Variants in UBASH3A observed in about 807,000 individuals in gnomAD.
UBASH3A encodes ubiquitin-associated and SH3 domain-containing protein A.
UBASH3A carries 63 observed loss-of-function variants against 73.5 expected under a neutral mutation model. The ratio of observed to expected loss-of-function variants is 0.86; its 90% confidence interval spans 0.70 to 1.06. The LOEUF (loss-of-function observed/expected upper bound fraction) is 1.06. Ranked by LOEUF, UBASH3A falls within the 50% of genes least tolerant of loss-of-function variation. The probability of loss-of-function intolerance (pLI) is 0.00; values close to 1 mark genes in which losing one functional copy is unlikely to be tolerated. For synonymous variants in UBASH3A, 363 were observed against 351.1 expected (o/e 1.03, Z -0.38); for missense variants, 860 against 859.0 (o/e 1.00, Z -0.02).
intron 1 of UBASH3A, among the ~76,000 whole-genome samples, chr21:42,404,349 A>G (rs1196894852): frequency 3.3e-5 from 5 of 152,086 alleles, no homozygotes. Flanking sequence ...TGGCTGCCCA[A>G]CACAAATTGG....
At chr21:42,444,010 C>T (rs561075131) in intron 13 of UBASH3A, among the ~76,000 whole-genome samples, 1 of 152,320 alleles carries the variant, frequency 6.6e-6, no homozygotes, top group Admixed American at 6.5e-5. Flanking sequence ...TCTCCTAACC[C>T]TCCCGTGTTG....
At chr21:42,423,346 G>A (rs1326351655) in intron 7 of UBASH3A, among the ~76,000 whole-genome samples, 2 of 152,232 alleles carry the variant, frequency 1.3e-5, no homozygotes, top group South Asian at 2.1e-4. Context: ...AGAGATAACC[G>A]AAGGCAGCTC....
Position 42,413,725 on chromosome 21 carries a change from C to G in UBASH3A, c.667+202C>G, listed in dbSNP as rs1053903169. Among the ~76,000 whole-genome samples, 1 of 152,184 alleles carries G rather than the reference C, an allele frequency of 6.6e-6. No individual in the cohort carries two copies. Among genetic ancestry groups the G allele is most frequent in the Non-Finnish European group, 1.5e-5 (1 of 68,030 alleles). On this transcript the variant is annotated intron_variant, in intron 5 of 14. Coordinates refer to ENST00000319294, the MANE Select transcript of UBASH3A (RefSeq NM_018961.4). The surrounding 1 kb of genome is among the most constrained non-coding windows in gnomAD (Gnocchi z 4.5). ...TGGTGCACACAGGGAGTCAGGGCCTCCCCACCCCAGCCTTGAGTGGGAGAC... is the reference window on the plus strand; with the variant it reads ...TGGTGCACACAGGGAGTCAGGGCCTGCCCACCCCAGCCTTGAGTGGGAGAC...
At chr21:42,408,172 A>C (rs2053017545) in intron 2 of UBASH3A, among the ~76,000 whole-genome samples, 1 of 152,192 alleles carries the variant, frequency 6.6e-6, no homozygotes, top group Non-Finnish European at 1.5e-5. Context: ...TTCTTCTGTG[A>C]TTTTTATTGA....
chr21:42,439,591 A>C (rs962760000), intron 11 of UBASH3A, among the ~76,000 whole-genome samples: 2 of 152,108 alleles, frequency 1.3e-5, no homozygotes, highest in African/African-American at 2.4e-5. Flanking sequence ...GAGGGCAAGC[A>C]AGGCTTCCAC....
At chr21:42,412,991 G>A in intron 3 of UBASH3A, 33 bp from the exon 4 acceptor site, 2 of 1,572,302 alleles carry the variant, frequency 1.3e-6, no homozygotes, top group Non-Finnish European at 1.7e-6. Flanking sequence ...GATGAGAGGT[G>A]TGGAAACACA....
chr21:42,444,332 T>A (rs1164245697), intron 13 of UBASH3A, among the ~76,000 whole-genome samples: 1 of 152,172 alleles, frequency 6.6e-6, no homozygotes, highest in Non-Finnish European at 1.5e-5. Flanking sequence ...GGGCAGCTGC[T>A]GCGTGCAGAG....
At chr21:42,415,143 T>C (rs2053176591) in intron 5 of UBASH3A, among the ~76,000 whole-genome samples, 1 of 152,118 alleles carries the variant, frequency 6.6e-6, no homozygotes, top group South Asian at 2.1e-4. Context: ...TCCTCCCCAG[T>C]GAAACGTGCC....
intron 8 of UBASH3A, among the ~76,000 whole-genome samples, chr21:42,428,707 T>G (rs184458146): frequency 2.3e-3 from 342 of 151,910 alleles, no homozygotes; most frequent in African/African-American, 8.0e-3. Flanking sequence ...TACCCAGGTA[T>G]TGGGTAGGGG....
At chr21:42,422,320 G>A (rs1183964700) in intron 7 of UBASH3A, among the ~76,000 whole-genome samples, 1 of 152,184 alleles carries the variant, frequency 6.6e-6, no homozygotes, top group Non-Finnish European at 1.5e-5. Flanking sequence ...CTATTTTAAG[G>A]CAGCTTAAGA....
intron 7 of UBASH3A, among the ~76,000 whole-genome samples, chr21:42,423,539 C>G (rs2053380176): frequency 6.6e-6 from 1 of 152,196 alleles, no homozygotes; most frequent in African/African-American, 2.4e-5. Context: ...TTGGGGCTCC[C>G]CTGTGGCCCC....
chr21:42,407,987 T>C (rs1199869032), intron 2 of UBASH3A, among the ~76,000 whole-genome samples: 1 of 152,216 alleles, frequency 6.6e-6, no homozygotes, highest in African/African-American at 2.4e-5. Context: ...AAAGACATGG[T>C]AGAGGAAAAA....
rs370861197 is a variant in UBASH3A, at chr21:42,423,549, C to T, written c.1047-3148C>T. The stretch of plus-strand genomic sequence containing the variant: ...GAGGGTTGGGGCTCCCCTGTGGCCC[C>T]GCATCATTTAGCATGTCCTTCGCTC... On this transcript the variant is annotated intron_variant, in intron 7 of 14. Transcript: ENST00000319294. Among the ~76,000 whole-genome samples, 10 of 152,268 alleles carry T rather than the reference C, an allele frequency of 6.6e-5. 1 individual carries two copies. The highest frequency in any genetic ancestry group is 1.9e-4 in the East Asian group (1 of 5,188).
At chr21:42,409,137 C>G (rs1368716034) in intron 2 of UBASH3A, among the ~76,000 whole-genome samples, 1 of 152,082 alleles carries the variant, frequency 6.6e-6, no homozygotes, top group African/African-American at 2.4e-5. Context: ...TTAGGTCTTG[C>G]TGTCAACTTT....
At chr21:42,430,204 A>C (rs2053504727) in intron 8 of UBASH3A, among the ~76,000 whole-genome samples, 1 of 152,198 alleles carries the variant, frequency 6.6e-6, no homozygotes, top group Non-Finnish European at 1.5e-5. Flanking sequence ...CTCTTGCCAG[A>C]GCGAGTGGCC....
At chr21:42,430,549 G>A (rs2053509847) in intron 8 of UBASH3A, among the ~76,000 whole-genome samples, 1 of 152,176 alleles carries the variant, frequency 6.6e-6, no homozygotes, top group South Asian at 2.1e-4. Flanking sequence ...GCCTGTCTGA[G>A]CTGCCTCCTG....
At chr21:42,437,250 T>C (rs1240596260) in intron 10 of UBASH3A, among the ~76,000 whole-genome samples, 3 of 152,258 alleles carry the variant, frequency 2.0e-5, no homozygotes, top group Non-Finnish European at 4.4e-5. Context: ...CACCAACTTG[T>C]CAGCCCCACC....
In UBASH3A at chr21:42,405,983, T is replaced by TGGCG. The variant is rs1414898762; in HGVS notation, c.114-323_114-322insCGGG. On this transcript the variant is annotated intron_variant, in intron 1 of 14. Coordinates refer to ENST00000319294, the MANE Select transcript of UBASH3A (RefSeq NM_018961.4). ...GGGTGGGTCCATTTGATCTAGGCAG[T>TGGCG]GGGGGGGGGGGGGGCAGGCCAGGGA... Among the ~76,000 whole-genome samples the TGGCG allele has an allele frequency of 6.6e-5, 4 of 60,690 alleles. No homozygotes were observed. In the East Asian group the frequency reaches 2.1e-3, roughly 32 times the overall value. 39.8% of individuals were successfully genotyped at this position (60,690 alleles called of 152,430 possible).
intron 3 of UBASH3A, among the ~76,000 whole-genome samples, chr21:42,411,402 A>G (rs536984627): frequency 6.6e-6 from 1 of 151,956 alleles, no homozygotes; most frequent in South Asian, 2.1e-4. Context: ...AAACACAGAC[A>G]TGCACATACA....
Sources: allele counts gnomAD v4.1 joint callset (sites outside exome capture counted in the v4.1 genomes callset), GRCh38; gene constraint gnomAD v4.1.1; non-coding constraint Gnocchi (gnomAD v3.1); transcripts MANE v1.5; gene names NCBI Gene and HGNC (gene_info 2026-07-23, HGNC 2026-07-21).